The following PARD3B variants were observed in gnomAD, a reference collection of about 807,000 sequenced individuals.
PARD3B encodes the protein par-3 family cell polarity regulator beta.
Under a neutral mutation model 130.2 loss-of-function variants are expected in PARD3B, and 103 were observed. That is an observed-to-expected ratio of 0.79 (90% CI 0.67 to 0.93). The LOEUF is 0.93. Ranked by LOEUF, PARD3B falls within the 40% of genes least tolerant of loss-of-function variation. PARD3B has a pLI of 0.00. For missense variants in PARD3B, 1,609 were observed against 1,499.2 expected (o/e 1.07, Z -1.21); for synonymous variants, 583 against 553.2 (o/e 1.05, Z -0.76).
intron 18 of PARD3B, among the ~76,000 whole-genome samples, chr2:205,365,483 G>A (rs993469111): frequency 2.0e-5 from 3 of 150,004 alleles, no homozygotes; most frequent in South Asian, 2.1e-4. Context: ...ACAGACACAG[G>A]CCTGCTGTCT....
chr2:204,924,391 T>C (rs1687425197), intron 2 of PARD3B, among the ~76,000 whole-genome samples: 1 of 152,092 alleles, frequency 6.6e-6, no homozygotes, highest in South Asian at 2.1e-4. Context: ...TCTGAATCTT[T>C]GTAAAATTTC....
rs550569354 is a variant in PARD3B, at chr2:205,105,527, A to G, written c.593+1013A>G. 6.6e-6 allele frequency among the ~76,000 whole-genome samples: 1 copy of G among 152,186 alleles called. No homozygotes were observed. The highest frequency in any genetic ancestry group is 1.5e-5 in the Non-Finnish European group (1 of 68,026). On this transcript the variant is annotated intron_variant, in intron 5 of 22. Transcript: ENST00000406610. This position sits in a 1 kb window ranked among gnomAD's most constrained non-coding sequence, Gnocchi z 4.0. Reference sequence around the variant, plus strand: ...AATTAGCTTTTTAAAAACATAGGTCATCATCCTTTGTCATGTGCTTTACTG... The same window carrying G: ...AATTAGCTTTTTAAAAACATAGGTCGTCATCCTTTGTCATGTGCTTTACTG...
At chr2:205,313,879 T>A in intron 18 of PARD3B, among the ~76,000 whole-genome samples, 2 of 152,342 alleles carry the variant, frequency 1.3e-5, no homozygotes, top group Middle Eastern at 6.8e-3. Context: ...ATAAACTTCA[T>A]TAGCATTTGA....
In PARD3B at chr2:205,300,439, G is replaced by T. The variant is rs2041952477; in HGVS notation, c.2186-91G>T. On this transcript the variant is annotated intron_variant, in intron 16 of 22. Transcript: ENST00000406610. This position sits in a 1 kb window ranked among gnomAD's most constrained non-coding sequence, Gnocchi z 4.1. ...CCACCCACTTAACACCCCTTTTTTG[G>T]GATGTCCAGACAGAAATATTCTTAG... The T allele has an allele frequency of 1.6e-6, 2 of 1,230,226 alleles. No homozygotes were observed. Among genetic ancestry groups the T allele is most frequent in the Non-Finnish European group, 2.3e-6 (2 of 857,974 alleles). 76.2% of individuals were successfully genotyped at this position (1,230,226 alleles called of 1,614,324 possible). A position where few individuals can be genotyped will look rare whatever the true frequency, so the allele number is the denominator to read the frequency against.
Position 205,563,391 on chromosome 2 carries a change from T to G in PARD3B, c.3260+9988T>G, listed in dbSNP as rs547359584. Among the ~76,000 whole-genome samples the G allele has an allele frequency of 6.6e-6, 1 of 152,300 alleles. No individual in the cohort carries two copies. Among genetic ancestry groups the G allele is most frequent in the East Asian group, 1.9e-4 (1 of 5,176 alleles). On this transcript the variant is annotated intron_variant, in intron 22 of 22. Coordinates refer to ENST00000406610, the MANE Select transcript of PARD3B (RefSeq NM_001302769.2). This position sits in a 1 kb window ranked among gnomAD's most constrained non-coding sequence, Gnocchi z 4.2. ...TCCTTTAATAAAAGAAAAAAATGTA[T>G]CCTTGAAGTCACAGAATCAGAATCA... is the stretch of plus-strand genomic sequence containing the variant.
chr2:204,871,687 A>G (rs1163025733), intron 2 of PARD3B, among the ~76,000 whole-genome samples: 2 of 152,116 alleles, frequency 1.3e-5, no homozygotes, highest in African/African-American at 2.4e-5. Context: ...CACTGCTTGC[A>G]TAATAGTTTC....
At chr2:205,279,283 A>G (rs2041096607) in intron 16 of PARD3B, among the ~76,000 whole-genome samples, 1 of 152,038 alleles carries the variant, frequency 6.6e-6, no homozygotes, top group Non-Finnish European at 1.5e-5. Context: ...ATTTCCCAAA[A>G]CATTGGGACA....
At chr2:204,579,268 G>C (rs11892599) in intron 1 of PARD3B, among the ~76,000 whole-genome samples, 5,527 of 151,958 alleles carry the variant, frequency 0.036, 276 homozygotes, top group East Asian at 0.14. Flanking sequence ...CATGGGGTTG[G>C]TATTATTATA....
Position 204,965,142 on chromosome 2 carries a change from T to C in PARD3B, c.223-10T>C, listed in dbSNP as rs377677645. On this transcript the variant is annotated splice_polypyrimidine_tract_variant and intron_variant, in intron 2 of 22. Transcript: ENST00000406610. Reference sequence around the variant, plus strand: ...TACAAAGTAATTAGTGTTGTTGGATTTGTTTGTAGCTGATTGCTGTGTTTG... The same window carrying C: ...TACAAAGTAATTAGTGTTGTTGGATCTGTTTGTAGCTGATTGCTGTGTTTG... 6.8e-6 allele frequency: 11 copies of C among 1,611,316 alleles called. No individual in the cohort carries two copies. Among genetic ancestry groups the C allele is most frequent in the Non-Finnish European group, 9.3e-6 (11 of 1,178,152 alleles).
intron 20 of PARD3B, among the ~76,000 whole-genome samples, chr2:205,468,310 T>C (rs1361759268): frequency 1.3e-5 from 2 of 152,190 alleles, no homozygotes; most frequent in African/African-American, 4.8e-5. Context: ...TACCAATAGA[T>C]ATTTCACTAT....
At chr2:205,296,125 AT>A (rs533273286) in intron 16 of PARD3B, among the ~76,000 whole-genome samples, 43 of 152,302 alleles carry the variant, frequency 2.8e-4, no homozygotes, top group Admixed American at 3.9e-4. Flanking sequence ...AATGATCACC[AT>A]TGCTTTATGA....
chr2:205,279,443 C>T (rs1011703720), intron 16 of PARD3B, among the ~76,000 whole-genome samples: 1 of 152,088 alleles, frequency 6.6e-6, no homozygotes, highest in African/African-American at 2.4e-5. Flanking sequence ...ATATTTTTAC[C>T]TATTTTCAGC....
At chr2:205,519,858 T>G (rs1327734498) in intron 21 of PARD3B, among the ~76,000 whole-genome samples, 2 of 152,156 alleles carry the variant, frequency 1.3e-5, no homozygotes, top group South Asian at 4.1e-4. Flanking sequence ...CAGGGCATTT[T>G]TGGTGTTGAA....
intron 22 of PARD3B, among the ~76,000 whole-genome samples, chr2:205,579,210 A>G (rs894882373): frequency 1.3e-5 from 2 of 152,128 alleles, no homozygotes; most frequent in Non-Finnish European, 2.9e-5. Flanking sequence ...TGGGAATCAA[A>G]ATGGTCGGGG....
intron 1 of PARD3B, among the ~76,000 whole-genome samples, chr2:204,683,408 G>A (rs1441996847): frequency 6.6e-6 from 1 of 152,114 alleles, no homozygotes; most frequent in Non-Finnish European, 1.5e-5. Context: ...ATTCCTGATG[G>A]CAATAAAACC....
In PARD3B at chr2:205,229,117, T is replaced by C. The variant is rs770725113; in HGVS notation, c.2141-16661T>C. 2.5e-4 allele frequency among the ~76,000 whole-genome samples: 38 copies of C among 152,248 alleles called. No individual in the cohort carries two copies. The highest frequency in any genetic ancestry group is 5.3e-4 in the Non-Finnish European group (36 of 68,048). ...CTGGGTTTGGGTCACTTGTGCCTTATTTAGTTCGTTTGGTGAAGTCATGTT... is the reference window on the plus strand; with the variant it reads ...CTGGGTTTGGGTCACTTGTGCCTTACTTAGTTCGTTTGGTGAAGTCATGTT... On this transcript the variant is annotated intron_variant, in intron 15 of 22. Coordinates refer to ENST00000406610, the MANE Select transcript of PARD3B (RefSeq NM_001302769.2). This position sits in a 1 kb window ranked among gnomAD's most constrained non-coding sequence, Gnocchi z 5.2.
intron 21 of PARD3B, among the ~76,000 whole-genome samples, chr2:205,511,219 A>G (rs2050576981): frequency 6.6e-6 from 1 of 152,196 alleles, no homozygotes; most frequent in Non-Finnish European, 1.5e-5. Flanking sequence ...GTCCTCTTTC[A>G]AAGTCTAAAT....
chr2:204,555,921 C>T (rs1227468355), intron 1 of PARD3B, among the ~76,000 whole-genome samples: 2 of 152,128 alleles, frequency 1.3e-5, no homozygotes, highest in African/African-American at 2.4e-5. Flanking sequence ...CTTTCTATTG[C>T]CCTTCCCTGA....
rs1275673317 is a variant in PARD3B, at chr2:205,125,877, C to A, written c.1434+140C>A. 4.2e-6 allele frequency: 5 copies of A among 1,194,770 alleles called. No individual in the cohort carries two copies. Among genetic ancestry groups the A allele is most frequent in the East Asian group, 2.4e-5 (1 of 41,638 alleles). The allele number at this position is 1,194,770 out of a possible 1,614,324, so 74.0% of individuals were successfully genotyped here. On this transcript the variant is annotated intron_variant, in intron 10 of 22. Transcript: ENST00000406610. The surrounding 1 kb of genome is among the most constrained non-coding windows in gnomAD (Gnocchi z 4.0). ...TTGAATCACACTCAGGGTATTTTAC[C>A]CCATTTGGGGTATCGCATTTTTAAA...
Sources: allele counts gnomAD v4.1 joint callset (sites outside exome capture counted in the v4.1 genomes callset), GRCh38; gene constraint gnomAD v4.1.1; non-coding constraint Gnocchi (gnomAD v3.1); transcripts MANE v1.5; gene names NCBI Gene and HGNC (gene_info 2026-07-23, HGNC 2026-07-21).